The following RHOT1 variants were observed in gnomAD, a reference collection of about 807,000 sequenced individuals.
RHOT1 encodes ras homolog family member T1, also known as mitochondrial Rho GTPase 1.
Under a neutral mutation model 95.3 loss-of-function variants are expected in RHOT1, and 27 were observed. The observed-to-expected ratio is 0.28, with a 90% CI of 0.21 to 0.39. The LOEUF (loss-of-function observed/expected upper bound fraction) is 0.39. Among genes scored for constraint, RHOT1 ranks in the 10% least tolerant of loss-of-function variants. The pLI is 1.00. For synonymous variants in RHOT1, 227 were observed against 263.5 expected, an observed-to-expected ratio of 0.86 and a Z score of 1.34; for missense variants, 578 against 786.7, an observed-to-expected ratio of 0.73 and a Z score of 3.17.
chr17:32,145,246 G>A (rs971873052), intron 1 of RHOT1, among the ~76,000 whole-genome samples: 1 of 152,120 alleles, frequency 6.6e-6, no homozygotes, highest in African/African-American at 2.4e-5. Flanking sequence ...GTCGCAGTGA[G>A]CTGAGATCAC....
chr17:32,161,295 G>A (rs1448288989), intron 1 of RHOT1, among the ~76,000 whole-genome samples: 2 of 152,186 alleles, frequency 1.3e-5, no homozygotes, highest in Non-Finnish European at 2.9e-5. Context: ...CTGATTGGGG[G>A]CCACAGGATC....
At chr17:32,186,195 A>G (rs766917820) in intron 8 of RHOT1, among the ~76,000 whole-genome samples, 18 of 152,002 alleles carry the variant, frequency 1.2e-4, no homozygotes, top group Admixed American at 5.9e-4. Flanking sequence ...CACACTTGTT[A>G]TTTTACTTTT....
chr17:32,191,197 C>G (rs566598589), intron 8 of RHOT1, among the ~76,000 whole-genome samples: 1 of 152,228 alleles, frequency 6.6e-6, no homozygotes, highest in South Asian at 2.1e-4. Flanking sequence ...CCCAGAGACC[C>G]CATTTAAAAC....
At chr17:32,176,611 C>T (rs907194819) in intron 6 of RHOT1, among the ~76,000 whole-genome samples, 1 of 151,392 alleles carries the variant, frequency 6.6e-6, no homozygotes, top group Non-Finnish European at 1.5e-5. Context: ...CTTGCTCTGT[C>T]GCCCAGGCTG....
rs535379035 is a variant in RHOT1, at chr17:32,189,763, GTC to G, written c.541-2434_541-2433del. Among the ~76,000 whole-genome samples, 282 of 132,390 alleles carry G rather than the reference GTC, an allele frequency of 2.1e-3. 1 individual carries two copies. Among genetic ancestry groups the G allele is most frequent in the Non-Finnish European group, 2.9e-3 (191 of 64,798 alleles). 86.9% of individuals were successfully genotyped at this position (132,390 alleles called of 152,430 possible). A position where few individuals can be genotyped will look rare whatever the true frequency, so the allele number is the denominator to read the frequency against. ...TTTTTTTTTTTTTTTTTGAGATGGA[GTC>G]TCTGTCTCCCAGGGTGGAGTGCAAT... is the stretch of plus-strand genomic sequence containing the variant. On this transcript the variant is annotated intron_variant, in intron 8 of 19. Transcript: ENST00000545287.
At chr17:32,185,864 GCA>G (rs1349687363) in intron 8 of RHOT1, among the ~76,000 whole-genome samples, 1 of 151,732 alleles carries the variant, frequency 6.6e-6, no homozygotes, top group Non-Finnish European at 1.5e-5. Context: ...GGGACTACAG[GCA>G]CATGCCACCG....
At chr17:32,142,966 TTTC>T in intron 1 of RHOT1, 3 of 711,436 alleles carry the variant, frequency 4.2e-6, no homozygotes, top group Non-Finnish European at 7.9e-6. Flanking sequence ...AGAGATCTCC[TTTC>T]CCTGTTCCCC....
chr17:32,224,959 C>G lies in RHOT1; in HGVS notation c.*226C>G. 1 of 335,326 alleles carries G rather than the reference C, an allele frequency of 3.0e-6. No individual in the cohort carries two copies. Among genetic ancestry groups the G allele is most frequent in the Admixed American group, 4.1e-5 (1 of 24,304 alleles). The allele number at this position is 335,326 out of a possible 1,614,324, so 20.8% of individuals were successfully genotyped here. On this transcript the variant is annotated 3_prime_UTR_variant, in exon 20 of 20. Transcript: ENST00000545287. ...AACTAAAATGGCTAAATTCCAGAGG[C>G]CAAAAGGGAATATTTTGTAAATATA...
chr17:32,179,240 G>A (rs945615536), intron 6 of RHOT1: 2 of 149,562 alleles, frequency 1.3e-5, no homozygotes, highest in African/African-American at 2.6e-5. Context: ...GAAATGGGAA[G>A]CGCCTCTGCC....
intron 1 of RHOT1, among the ~76,000 whole-genome samples, chr17:32,149,625 A>ATGTGTGTGTGTGTGTGTGTGTG (rs1454201227): frequency 1.1e-5 from 1 of 88,338 alleles, no homozygotes; most frequent in Admixed American, 1.1e-4. Flanking sequence ...ATATATATAT[A>ATGTGTGTGTGTGTGTGTGTGTG]TATATATATA....
At chr17:32,199,178 C>T (rs1041442844) in intron 12 of RHOT1, 147 bp downstream of exon 12, 2 of 748,996 alleles carry the variant, frequency 2.7e-6, no homozygotes, top group South Asian at 2.0e-5. Context: ...AAAATATTTT[C>T]TGCTGTTTAC....
intron 1 of RHOT1, among the ~76,000 whole-genome samples, chr17:32,162,264 G>GTC (rs1315335306): frequency 6.6e-6 from 1 of 152,130 alleles, no homozygotes. Context: ...CTCTGTGGTT[G>GTC]AAAGGGACTC....
In RHOT1 at chr17:32,206,805, T is replaced by G; in HGVS notation, c.1417-105T>G. ...GGCCTGAAAAGTTATGCTTAACCAG[T>G]ACTTTTAAACTTAGGAAGTCCAGGG... On this transcript the variant is annotated intron_variant, in intron 16 of 19. Coordinates refer to ENST00000545287, the MANE Select transcript of RHOT1 (RefSeq NM_001033566.3). 3 of 831,134 alleles carry G rather than the reference T, an allele frequency of 3.6e-6. No individual in the cohort carries two copies. The South Asian group carries it at 5.8e-5, about 16-fold the overall frequency. 51.5% of individuals were successfully genotyped at this position (831,134 alleles called of 1,614,324 possible).
At chr17:32,169,083 C>G (rs2034354296) in intron 1 of RHOT1, among the ~76,000 whole-genome samples, 1 of 152,168 alleles carries the variant, frequency 6.6e-6, no homozygotes, top group African/African-American at 2.4e-5. Flanking sequence ...TATCCCTCTA[C>G]CAGCGGTACT....
intron 8 of RHOT1, among the ~76,000 whole-genome samples, chr17:32,188,895 T>A (rs1434067647): frequency 1.3e-5 from 2 of 152,232 alleles, no homozygotes; most frequent in Non-Finnish European, 2.9e-5. Context: ...TAGTTTACTC[T>A]TATTCCTGGT....
At chr17:32,211,566 T>C (rs1007529742) in intron 19 of RHOT1, 3 of 176,150 alleles carry the variant, frequency 1.7e-5, no homozygotes, top group Non-Finnish European at 3.6e-5. Context: ...TTAGGACTTT[T>C]GTAGTAAAGA....
At chr17:32,212,535 G>A (rs977637295) in intron 19 of RHOT1, among the ~76,000 whole-genome samples, 4 of 152,182 alleles carry the variant, frequency 2.6e-5, no homozygotes, top group South Asian at 2.1e-4. Context: ...GTTGGGAATC[G>A]TTGAGTTGGA....
chr17:32,184,999 T>G (rs1021728505), intron 8 of RHOT1, among the ~76,000 whole-genome samples: 1 of 152,148 alleles, frequency 6.6e-6, no homozygotes, highest in African/African-American at 2.4e-5. Flanking sequence ...CAGCTTATTA[T>G]AACCTCAAAT....
chr17:32,199,914 T>A (rs936494617), intron 13 of RHOT1, among the ~76,000 whole-genome samples: 6 of 151,952 alleles, frequency 3.9e-5, no homozygotes, highest in Non-Finnish European at 7.4e-5. Flanking sequence ...AGATTCTGTT[T>A]TTTTGTTATT....
Sources: allele counts gnomAD v4.1 joint callset (sites outside exome capture counted in the v4.1 genomes callset), GRCh38; gene constraint gnomAD v4.1.1; transcripts MANE v1.5; gene names NCBI Gene and HGNC (gene_info 2026-07-23, HGNC 2026-07-21).